The following SCN11A variants were observed in gnomAD, a reference collection of about 807,000 sequenced individuals.
The protein encoded by SCN11A is sodium voltage-gated channel alpha subunit 11, also known as sodium channel protein type 11 subunit alpha.
In SCN11A, 122 loss-of-function variants were observed where a neutral mutation model predicts 162.2. The ratio of observed to expected loss-of-function variants is 0.75; its 90% CI spans 0.65 to 0.87. The LOEUF is 0.87. Among genes scored for constraint, SCN11A ranks in the 40% least tolerant of loss-of-function variants. The pLI, the probability that SCN11A is intolerant of heterozygous loss-of-function variation, is 0.00. For synonymous variants in SCN11A, 758 were observed against 751.5 expected (o/e 1.01, Z -0.14); for missense variants, 2,015 against 2,181.6 (o/e 0.92, Z 1.52).
intron 25 of SCN11A, 114 bp from the exon 26 acceptor site, chr3:38,870,858 C>A: frequency 1.2e-6 from 1 of 801,734 alleles, no homozygotes; most frequent in South Asian, 1.6e-5. Context: ...GATGATACCC[C>A]AACCTTCTAG....
intron 25 of SCN11A, among the ~76,000 whole-genome samples, chr3:38,871,163 T>C (rs1035477516): frequency 1.6e-4 from 24 of 152,130 alleles, no homozygotes; most frequent in African/African-American, 5.3e-4. Context: ...GCTCCACTCC[T>C]CTCTGCCTGG....
intron 2 of SCN11A, among the ~76,000 whole-genome samples, chr3:38,995,807 A>ATCTGTCTGTCTGTCTGTCTG (rs1553648581): frequency 1.4e-5 from 2 of 145,390 alleles, no homozygotes; most frequent in African/African-American, 5.5e-5. Flanking sequence ...TTGTCTATCT[A>ATCTGTCTGTCTGTCTGTCTG]TCTATCTATC....
At chr3:38,898,237 C>CA (rs1214042829) in intron 17 of SCN11A, among the ~76,000 whole-genome samples, 7 of 152,006 alleles carry the variant, frequency 4.6e-5, no homozygotes, top group Non-Finnish European at 2.9e-5. Context: ...AACTCTGTCT[C>CA]AAAAAAGAAA....
chr3:39,024,003 C>T (rs1433520634), intron 2 of SCN11A, among the ~76,000 whole-genome samples: 3 of 152,190 alleles, frequency 2.0e-5, no homozygotes, highest in African/African-American at 7.2e-5. Flanking sequence ...TTTCTGTCTC[C>T]ATGGAGGAGT....
At chr3:38,929,130 T>TGCGCGC (rs1442107589) in intron 7 of SCN11A, among the ~76,000 whole-genome samples, 27 of 145,240 alleles carry the variant, frequency 1.9e-4, no homozygotes, top group African/African-American at 7.0e-4. Context: ...ACTGGGTCTG[T>TGCGCGC]GCACGCACAC....
chr3:39,048,933 A>T (rs1333402303), intron 1 of SCN11A, among the ~76,000 whole-genome samples: 1 of 152,216 alleles, frequency 6.6e-6, no homozygotes, highest in Non-Finnish European at 1.5e-5. Flanking sequence ...GTCACCAGAC[A>T]TGTGAGAGAA....
chr3:38,853,479 C>T (rs550580003), intron 28 of SCN11A, among the ~76,000 whole-genome samples: 15 of 152,302 alleles, frequency 9.8e-5, no homozygotes, highest in African/African-American at 3.6e-4. Flanking sequence ...GGTCAAAAAT[C>T]TCTCACTATA....
intron 11 of SCN11A, among the ~76,000 whole-genome samples, chr3:38,913,942 T>C (rs1010520892): frequency 6.6e-6 from 1 of 152,188 alleles, no homozygotes; most frequent in South Asian, 2.1e-4. Flanking sequence ...TCCAGCTTTA[T>C]ACTTTTTACT....
At chr3:38,962,378 G>A (rs2066747337) in intron 2 of SCN11A, among the ~76,000 whole-genome samples, 1 of 152,082 alleles carries the variant, frequency 6.6e-6, no homozygotes, top group Non-Finnish European at 1.5e-5. Flanking sequence ...ATGGATTTTA[G>A]AATTGTTTTT....
intron 1 of SCN11A, among the ~76,000 whole-genome samples, chr3:39,045,555 T>G (rs1485932512): frequency 6.6e-6 from 1 of 152,216 alleles, no homozygotes; most frequent in Non-Finnish European, 1.5e-5. Flanking sequence ...AACGATCATC[T>G]TAATCAATGC....
At chr3:38,903,796 T>C (rs1223559496) in intron 16 of SCN11A, 69 bp downstream of exon 16, 22 of 1,229,642 alleles carry the variant, frequency 1.8e-5, no homozygotes, top group Non-Finnish European at 2.5e-5. Flanking sequence ...CACAAAATGT[T>C]TAGACTTTGA....
At chr3:38,922,425 T>A (rs547681965) in intron 9 of SCN11A, among the ~76,000 whole-genome samples, 3 of 152,354 alleles carry the variant, frequency 2.0e-5, no homozygotes, top group Non-Finnish European at 4.4e-5. Context: ...CCTGGATCAT[T>A]TTTTAATAGT....
At chr3:39,041,349 G>T (rs2032045251) in intron 1 of SCN11A, among the ~76,000 whole-genome samples, 3 of 152,066 alleles carry the variant, frequency 2.0e-5, no homozygotes, top group Admixed American at 2.0e-4. Flanking sequence ...CATCCAGGAA[G>T]CTAAAAAATC....
At chr3:38,882,294 C>A (rs946693775) in intron 22 of SCN11A, among the ~76,000 whole-genome samples, 9 of 152,128 alleles carry the variant, frequency 5.9e-5, no homozygotes, top group African/African-American at 1.7e-4. Context: ...GGTGTAGGAG[C>A]AAGACATTTC....
rs752866840 is a variant in SCN11A, at chr3:38,886,121, T to G, written c.2949+4A>C. On this transcript the variant is annotated splice_donor_region_variant and intron_variant, in intron 20 of 29. Transcript: ENST00000302328. ...TTCCTCTGACAACATCCTAGGAAAATTACCTTTCGGGGATCCTGTATGGTC... is the reference window on the plus strand; with the variant it reads ...TTCCTCTGACAACATCCTAGGAAAAGTACCTTTCGGGGATCCTGTATGGTC... 2 of 1,597,332 alleles carry G rather than the reference T, an allele frequency of 1.3e-6. No homozygotes were observed.
intron 5 of SCN11A, among the ~76,000 whole-genome samples, chr3:38,948,524 C>T (rs1375448849): frequency 6.6e-6 from 1 of 152,198 alleles, no homozygotes; most frequent in African/African-American, 2.4e-5. Context: ...GGTTTGCATC[C>T]TAGCTCCACC....
intron 23 of SCN11A, among the ~76,000 whole-genome samples, chr3:38,874,650 C>T (rs894556336): frequency 2.0e-5 from 3 of 152,182 alleles, no homozygotes; most frequent in African/African-American, 7.2e-5. Flanking sequence ...CACTTCTGTG[C>T]TAACTGGTGA....
At chr3:38,868,712 G>A (rs1315961570) in intron 26 of SCN11A, among the ~76,000 whole-genome samples, 4 of 152,192 alleles carry the variant, frequency 2.6e-5, no homozygotes, top group Admixed American at 6.5e-5. Flanking sequence ...AGGGGGGTTG[G>A]AATGCAGTAA....
At chr3:38,918,082 G>T (rs975041638) in intron 11 of SCN11A, among the ~76,000 whole-genome samples, 3 of 151,650 alleles carry the variant, frequency 2.0e-5, no homozygotes, top group African/African-American at 7.3e-5. Context: ...TAGCAGTATA[G>T]TATTGTAATA....
Sources: gnomAD v4.1 joint callset for allele counts (sites outside exome capture counted in the v4.1 genomes callset) on GRCh38, gnomAD v4.1.1 for gene constraint, MANE v1.5 for transcripts, NCBI Gene and HGNC (gene_info 2026-07-23, HGNC 2026-07-21) for gene names.